Variants in AFAP1 observed in about 807,000 individuals in gnomAD.
AFAP1 encodes actin filament associated protein 1.
AFAP1 carries 75 observed loss-of-function variants against 93.9 expected under a neutral mutation model. That is an observed-to-expected ratio of 0.80 (90% CI 0.66 to 0.97). AFAP1 has a LOEUF of 0.97. Ranked by LOEUF, AFAP1 falls within the 50% of genes least tolerant of loss-of-function variation. AFAP1 has a pLI of 0.00. For synonymous variants in AFAP1, 517 were observed against 430.7 expected (o/e 1.20, Z -2.48); for missense variants, 1,201 against 1,050.8 (o/e 1.14, Z -1.98).
intron 13 of AFAP1, 36 bp from the exon 14 acceptor site, chr4:7,778,912 A>G (rs1716446555): frequency 6.9e-7 from 1 of 1,448,590 alleles, no homozygotes; most frequent in Non-Finnish European, 9.5e-7. Flanking sequence ...TTAAAAATAA[A>G]CACAAAGTCA....
chr4:7,872,648 T>A (rs1401918557), intron 1 of AFAP1, among the ~76,000 whole-genome samples: 1 of 152,160 alleles, frequency 6.6e-6, no homozygotes, highest in African/African-American at 2.4e-5. Flanking sequence ...GACTTGACTT[T>A]TCCTCTGATA....
At chr4:7,820,146 G>A (rs1720838094) in intron 6 of AFAP1, among the ~76,000 whole-genome samples, 1 of 152,178 alleles carries the variant, frequency 6.6e-6, no homozygotes, top group East Asian at 1.9e-4. Context: ...GGACAGACAG[G>A]GAGTCAGGAG....
chr4:7,934,229 C>G (rs1299120418), intron 1 of AFAP1, among the ~76,000 whole-genome samples: 2 of 152,184 alleles, frequency 1.3e-5, no homozygotes, highest in African/African-American at 2.4e-5. Flanking sequence ...CTGATAAGCT[C>G]TAAGTACCAC....
chr4:7,918,985 AGGTCACCAG>A (rs1577359304), intron 1 of AFAP1, among the ~76,000 whole-genome samples: 11 of 144,860 alleles, frequency 7.6e-5, no homozygotes, highest in South Asian at 2.2e-4. Context: ...CACTCGGCCC[AGGTCACCAG>A]GAAACAGGGC....
chr4:7,826,311 C>G (rs1371506683), intron 6 of AFAP1, among the ~76,000 whole-genome samples: 2 of 152,202 alleles, frequency 1.3e-5, no homozygotes, highest in African/African-American at 2.4e-5. Flanking sequence ...GTCCCCACCC[C>G]ACCCCGCCGC....
At chr4:7,862,970 G>A (rs542571523) in intron 3 of AFAP1, among the ~76,000 whole-genome samples, 1 of 152,310 alleles carries the variant, frequency 6.6e-6, no homozygotes, top group Admixed American at 6.5e-5. Flanking sequence ...CTTGCGAGCT[G>A]GGCAGTGGGT....
intron 1 of AFAP1, among the ~76,000 whole-genome samples, chr4:7,877,920 G>A (rs571006052): frequency 3.3e-5 from 5 of 152,234 alleles, no homozygotes; most frequent in East Asian, 1.9e-4. Flanking sequence ...TTCCCAGGAC[G>A]CAGGTGCAGC....
intron 10 of AFAP1, 49 bp from the exon 11 acceptor site, chr4:7,793,875 C>T (rs1283054934): frequency 6.9e-7 from 1 of 1,451,014 alleles, no homozygotes; most frequent in South Asian, 1.6e-5. Flanking sequence ...AAGATTTTTA[C>T]ATTTTCATAA....
At chr4:7,859,569 G>A (rs1268271845) in intron 3 of AFAP1, among the ~76,000 whole-genome samples, 5 of 152,160 alleles carry the variant, frequency 3.3e-5, no homozygotes, top group African/African-American at 1.2e-4. Flanking sequence ...CTGTGCCAGT[G>A]ACTAGGTAAT....
chr4:7,776,048 G>C (rs182681333), intron 14 of AFAP1: 3 of 152,202 alleles, frequency 2.0e-5, no homozygotes, highest in African/African-American at 7.2e-5. Context: ...ACACATGGAA[G>C]AGATGAAGGT....
In AFAP1 at chr4:7,843,135, T is replaced by C. The variant is rs1474967846; in HGVS notation, c.546+4A>G. 2 of 1,613,512 alleles carry C rather than the reference T, an allele frequency of 1.2e-6. No individual in the cohort carries two copies. Among genetic ancestry groups the C allele is most frequent in the Non-Finnish European group, 1.7e-6 (2 of 1,179,768 alleles). Reference sequence around the variant, plus strand: ...AAAAATGCAAGCGATTCCAAATGTCTTACCAGCAGTTTGGTGTCTTTGATG... The same window carrying C: ...AAAAATGCAAGCGATTCCAAATGTCCTACCAGCAGTTTGGTGTCTTTGATG... On this transcript the variant is annotated splice_donor_region_variant and intron_variant, in intron 5 of 17. Coordinates refer to ENST00000420658, the MANE Select transcript of AFAP1 (RefSeq NM_001134647.2).
intron 1 of AFAP1, among the ~76,000 whole-genome samples, chr4:7,925,364 G>A (rs370914092): frequency 2.0e-5 from 3 of 152,276 alleles, no homozygotes. Flanking sequence ...AAGATCAAGG[G>A]CCTTGAAGTC....
intron 1 of AFAP1, among the ~76,000 whole-genome samples, chr4:7,885,319 C>T (rs1268921181): frequency 2.0e-5 from 3 of 152,322 alleles, no homozygotes; most frequent in Non-Finnish European, 4.4e-5. Flanking sequence ...GGCCTCTGCA[C>T]GTGCCACTGC....
At chr4:7,809,489 T>G in intron 9 of AFAP1, 125 bp downstream of exon 9, 2 of 1,165,812 alleles carry the variant, frequency 1.7e-6, no homozygotes, top group Non-Finnish European at 2.4e-6. Context: ...TCTGAATGAT[T>G]CCAAGTCCAA....
rs149202893 is a variant in AFAP1 at position 7,918,161 on chromosome 4, G to A, written c.-3+21495C>T. ...TGGAGCCACTCGGCCCAGATCACCA[G>A]GAAACCGGGCTGCCAGAAGAGACAC... is the stretch of plus-strand genomic sequence containing the variant. On this transcript the variant is annotated intron_variant, in intron 1 of 17. Coordinates refer to ENST00000420658, the MANE Select transcript of AFAP1 (RefSeq NM_001134647.2). Among the ~76,000 whole-genome samples the A allele has an allele frequency of 8.3e-3, 1,261 of 151,760 alleles. 23 individuals carry two copies. Among genetic ancestry groups the A allele is most frequent in the African/African-American group, 0.029 (1,198 of 41,346 alleles).
At chr4:7,909,749 T>C (rs1719627020) in intron 1 of AFAP1, among the ~76,000 whole-genome samples, 1 of 152,182 alleles carries the variant, frequency 6.6e-6, no homozygotes. Context: ...ATCAGAACCA[T>C]CTGGGGGTTT....
In AFAP1 at chr4:7,838,428, A is replaced by G. The variant is rs1040841759; in HGVS notation, c.726+96T>C. On this transcript the variant is annotated intron_variant, in intron 6 of 17. Coordinates refer to ENST00000420658, the MANE Select transcript of AFAP1 (RefSeq NM_001134647.2). ...CTCTTTGGGTGAATCCATCTTGCCT[A>G]TGCTTGAACAAAATTAAAATTAAAA... 4.3e-6 allele frequency: 6 copies of G among 1,396,170 alleles called. No homozygotes were observed. The East Asian group carries it at 1.3e-4, about 29-fold the overall frequency. 86.5% of individuals were successfully genotyped at this position (1,396,170 alleles called of 1,614,324 possible).
chr4:7,762,033 C>T lies in AFAP1; in HGVS notation c.*1732G>A, dbSNP rs191855406. ...TGGCTCAGGAACCCAAAACCGTTCC[C>T]AGCAGATGGCTTTGCAATCAATTCA... On this transcript the variant is annotated 3_prime_UTR_variant, in exon 18 of 18. Coordinates refer to ENST00000420658, the MANE Select transcript of AFAP1 (RefSeq NM_001134647.2). The T allele has an allele frequency of 4.3e-3, 662 of 152,398 alleles. 5 individuals carry two copies. The highest frequency in any genetic ancestry group is 6.2e-3 in the Non-Finnish European group (422 of 68,058). 9.4% of individuals were successfully genotyped at this position (152,398 alleles called of 1,614,324 possible).
chr4:7,925,446 C>T (rs1720672291), intron 1 of AFAP1, among the ~76,000 whole-genome samples: 1 of 152,228 alleles, frequency 6.6e-6, no homozygotes, highest in African/African-American at 2.4e-5. Flanking sequence ...GGCATGGTGG[C>T]TCACACCTGT....
Sources: allele counts gnomAD v4.1 joint callset (sites outside exome capture counted in the v4.1 genomes callset), GRCh38; gene constraint gnomAD v4.1.1; transcripts MANE v1.5; gene names NCBI Gene and HGNC (gene_info 2026-07-23, HGNC 2026-07-21).